DPP10: variants seen among roughly 807,000 people sequenced by gnomAD.
The protein encoded by DPP10 is inactive dipeptidyl peptidase 10.
In DPP10, 33 loss-of-function variants were observed where a neutral mutation model predicts 120.9. The ratio of observed to expected loss-of-function variants is 0.27; its 90% confidence interval spans 0.21 to 0.37. The LOEUF is 0.37. Among genes scored for constraint, DPP10 ranks in the 10% least tolerant of loss-of-function variants. The pLI is 1.00. For synonymous variants in DPP10, 337 were observed against 326.1 expected (o/e 1.03, Z -0.36); for missense variants, 816 against 942.8 (o/e 0.87, Z 1.76).
intron 16 of DPP10, among the ~76,000 whole-genome samples, chr2:115,781,472 A>G (rs552951723): frequency 6.6e-6 from 1 of 152,042 alleles, no homozygotes; most frequent in Admixed American, 6.6e-5. Context: ...TACTTCTTCT[A>G]TCTTGTAACA....
At chr2:115,526,000 CT>C (rs780772589) in intron 5 of DPP10, 28 bp downstream of exon 5, 1 of 1,570,436 alleles carries the variant, frequency 6.4e-7, no homozygotes, top group Non-Finnish European at 8.7e-7. Context: ...TTTGAGAATA[CT>C]TTTCTTTGTG....
chr2:115,075,328 C>T (rs1333581825), intron 1 of DPP10, among the ~76,000 whole-genome samples: 1 of 152,078 alleles, frequency 6.6e-6, no homozygotes, highest in Admixed American at 6.5e-5. Context: ...AGAAGAGAAG[C>T]CAAAAGATAC....
chr2:114,750,765 A>G (rs1311758239), intron 1 of DPP10, among the ~76,000 whole-genome samples: 1 of 4,364 alleles, frequency 2.3e-4, no homozygotes, highest in Non-Finnish European at 3.6e-4. Context: ...AATAGGAGTT[A>G]CATTATTCCA....
intron 1 of DPP10, among the ~76,000 whole-genome samples, chr2:114,626,118 A>G (rs2010543): frequency 0.11 from 16,869 of 151,532 alleles, 1,274 homozygotes; most frequent in African/African-American, 0.21. Context: ...TTCTATGTCA[A>G]AAATCTTGGT....
chr2:115,084,277 A>G (rs1194325434), intron 1 of DPP10, among the ~76,000 whole-genome samples: 1 of 152,180 alleles, frequency 6.6e-6, no homozygotes, highest in Non-Finnish European at 1.5e-5. Flanking sequence ...AAAATTTAAC[A>G]ACAACAAAAA....
intron 1 of DPP10, among the ~76,000 whole-genome samples, chr2:114,733,702 C>A (rs1677139977): frequency 1.3e-5 from 2 of 152,148 alleles, no homozygotes; most frequent in African/African-American, 2.4e-5. Flanking sequence ...ATAGTGACAA[C>A]ATCTAATAGC....
At chr2:114,448,105 T>G (rs1206031361) in intron 1 of DPP10, among the ~76,000 whole-genome samples, 1 of 152,166 alleles carries the variant, frequency 6.6e-6, no homozygotes, top group Admixed American at 6.5e-5. Flanking sequence ...TGAAGCATTA[T>G]AGTTTTTTTT....
At chr2:114,562,710 AAAG>A (rs967986507) in intron 1 of DPP10, among the ~76,000 whole-genome samples, 23 of 152,332 alleles carry the variant, frequency 1.5e-4, no homozygotes, top group South Asian at 6.2e-4. Flanking sequence ...CTCTGTCAAA[AAAG>A]AAGAAGATGA....
chr2:115,151,698 C>T (rs576800270), intron 1 of DPP10, among the ~76,000 whole-genome samples: 6 of 150,908 alleles, frequency 4.0e-5, no homozygotes, highest in Non-Finnish European at 8.8e-5. Flanking sequence ...TGAGCCACCG[C>T]GCCCAGTCAG....
chr2:115,776,227 G>A (rs767454554), intron 13 of DPP10, among the ~76,000 whole-genome samples: 21 of 152,036 alleles, frequency 1.4e-4, no homozygotes, highest in Non-Finnish European at 2.5e-4. Context: ...AGGTATACAC[G>A]TGCCATGGTG....
intron 15 of DPP10, 147 bp downstream of exon 15, chr2:115,777,981 AC>A (rs1239208690): frequency 7.3e-6 from 5 of 683,350 alleles, no homozygotes; most frequent in African/African-American, 3.6e-5. Context: ...ACACTCTTGC[AC>A]CAGTCTCTCC....
At chr2:114,861,512 T>C (rs937270406) in intron 1 of DPP10, among the ~76,000 whole-genome samples, 9 of 152,208 alleles carry the variant, frequency 5.9e-5, no homozygotes, top group Non-Finnish European at 1.3e-4. Flanking sequence ...ATTATTATAG[T>C]GGTATTTATT....
At chr2:115,485,698 G>A (rs1202752577) in intron 3 of DPP10, among the ~76,000 whole-genome samples, 1 of 152,050 alleles carries the variant, frequency 6.6e-6, no homozygotes, top group Non-Finnish European at 1.5e-5. Context: ...TTATGCATTT[G>A]AAGAGTCATA....
chr2:114,905,926 A>G (rs11686289), intron 1 of DPP10, among the ~76,000 whole-genome samples: 31,671 of 152,102 alleles, frequency 0.21, 3,302 homozygotes, highest in Middle Eastern at 0.27. Flanking sequence ...TATTAGTTAT[A>G]ATAACTTTCA....
intron 3 of DPP10, among the ~76,000 whole-genome samples, chr2:115,381,840 G>A (rs982187984): frequency 2.6e-5 from 4 of 151,892 alleles, no homozygotes; most frequent in South Asian, 2.1e-4. Flanking sequence ...CCCCTGCTGG[G>A]GGGTGCCTCC....
At chr2:115,660,417 A>G (rs2088822660) in intron 5 of DPP10, among the ~76,000 whole-genome samples, 1 of 152,218 alleles carries the variant, frequency 6.6e-6, no homozygotes, top group African/African-American at 2.4e-5. Flanking sequence ...AGTAAGTTAC[A>G]AAGTTGTTTT....
chr2:114,587,151 A>G (rs939386625), intron 1 of DPP10, among the ~76,000 whole-genome samples: 3 of 151,886 alleles, frequency 2.0e-5, no homozygotes, highest in Admixed American at 6.6e-5. Context: ...CAAAAAAAAA[A>G]TTAGCCGGGC....
At chr2:115,630,974 A>G (rs1426268196) in intron 5 of DPP10, among the ~76,000 whole-genome samples, 1 of 151,324 alleles carries the variant, frequency 6.6e-6, no homozygotes, top group Non-Finnish European at 1.5e-5. Flanking sequence ...TTTCAGAAGA[A>G]GTGGCACCAG....
chr2:115,091,723 G>T (rs1214056429), intron 1 of DPP10, among the ~76,000 whole-genome samples: 4 of 152,142 alleles, frequency 2.6e-5, no homozygotes, highest in Admixed American at 2.0e-4. Flanking sequence ...GTTATGCTTT[G>T]CTCACGGAAG....
Sources: allele counts gnomAD v4.1 joint callset (sites outside exome capture counted in the v4.1 genomes callset), GRCh38; gene constraint gnomAD v4.1.1; transcripts MANE v1.5; gene names NCBI Gene and HGNC (gene_info 2026-07-23, HGNC 2026-07-21).